STAT6: variants seen among roughly 807,000 people sequenced by gnomAD.
STAT6 encodes signal transducer and activator of transcription 6.
STAT6 carries 45 observed loss-of-function variants against 106.3 expected under a neutral mutation model. That is an observed-to-expected ratio of 0.42 (90% CI 0.33 to 0.54). The LOEUF (loss-of-function observed/expected upper bound fraction) is 0.54, where lower values mean the gene tolerates loss of function less well. Ranked by LOEUF, STAT6 falls within the 20% of genes least tolerant of loss-of-function variation. The pLI, the probability that STAT6 is intolerant of heterozygous loss-of-function variation, is 0.06. For synonymous variants in STAT6, 413 were observed against 413.6 expected (o/e 1.00, Z 0.02); for missense variants, 797 against 1,062.2 (o/e 0.75, Z 3.47).
At chr12:57,097,275 C>T in intron 19 of STAT6, 142 bp from the exon 20 acceptor site, 1 of 579,792 alleles carries the variant, frequency 1.7e-6, no homozygotes, top group Non-Finnish European at 2.8e-6. Flanking sequence ...TTTCTATGCT[C>T]TGAGCTCAGT....
chr12:57,110,933 G>T (rs76868937), intron 1 of STAT6, among the ~76,000 whole-genome samples, 196 bp downstream of exon 1: 3,158 of 152,078 alleles, frequency 0.021, 120 homozygotes, highest in African/African-American at 0.072. Context: ...GGGGAGTACT[G>T]AGGCCTGGAC....
chr12:57,099,367 G>A lies in STAT6; in HGVS notation c.1818C>T (p.Ile606=). ...GATTTTTGAGCTGAGCAAGATCCCG[G>A]ATTCGGTCCCCCAGTGAGCGAATGG... is the stretch of plus-strand genomic sequence containing the variant. The part of the protein sequence containing the change: ...DLSIRSLGDR[I]RDLAQLKNLY... The change falls in exon 16 of 22, where the codon ATC becomes ATT. Residue 606 remains isoleucine (I), a synonymous_variant. Coordinates refer to ENST00000300134, the MANE Select transcript of STAT6 (RefSeq NM_003153.5). This position sits in a 1 kb window ranked among gnomAD's most constrained non-coding sequence, Gnocchi z 4.7. 6.2e-7 allele frequency: 1 copy of A among 1,614,164 alleles called. No individual in the cohort carries two copies. The highest frequency in any genetic ancestry group is 8.5e-7 in the Non-Finnish European group (1 of 1,180,024).
intron 13 of STAT6, among the ~76,000 whole-genome samples, chr12:57,100,692 GAAAGAAAGAGAA>G (rs1446873956): frequency 0.02 from 1,015 of 49,606 alleles, 1 homozygote; most frequent in Middle Eastern, 0.047. Flanking sequence ...AAGAAAGAAA[GAAAGAAAGAGAA>G]AGAAAGAAAG....
intron 18 of STAT6, 58 bp downstream of exon 18, chr12:57,098,734 T>C (rs1372695994): frequency 5.7e-6 from 9 of 1,576,816 alleles, no homozygotes; most frequent in Non-Finnish European, 7.8e-6. Context: ...CAGCTGCCCA[T>C]GCTAAGATTA....
intron 6 of STAT6, 63 bp downstream of exon 6, chr12:57,106,465 T>C: frequency 6.2e-7 from 1 of 1,610,240 alleles, no homozygotes; most frequent in South Asian, 1.1e-5. Context: ...CTTTCTGAGG[T>C]CTAGCTTCCA....
In STAT6 at chr12:57,102,329, G is replaced by A; in HGVS notation, c.1473C>T (p.Ala491=). Residue 491 remains alanine, a synonymous_variant, in exon 13 of 22, where the codon GCC becomes GCT. Transcript: ENST00000300134. Reference sequence around the variant, plus strand: ...ACCAGGACACAGAACGGTGCTGGAAGGCCTCCATACTGAGGCTGTTGTCAT... The same window carrying A: ...ACCAGGACACAGAACGGTGCTGGAAAGCCTCCATACTGAGGCTGTTGTCAT... ...IFNDNSLSME[A]FQHRSVSWSQ... is the part of the protein sequence containing the mutation. 1 of 1,614,174 alleles carries A rather than the reference G, an allele frequency of 6.2e-7. No homozygotes were observed. The highest frequency in any genetic ancestry group is 8.5e-7 in the Non-Finnish European group (1 of 1,180,042).
intron 13 of STAT6, chr12:57,100,700 G>GAGAGAGAA (rs2033835522): frequency 1.1e-4 from 7 of 64,818 alleles, no homozygotes; most frequent in Non-Finnish European, 1.8e-4. Context: ...AAGAAAGAAA[G>GAGAGAGAA]AGAAAGAAAG....
At chr12:57,110,798 T>C (rs1565698504) in intron 1 of STAT6, among the ~76,000 whole-genome samples, 1 of 151,988 alleles carries the variant, frequency 6.6e-6, no homozygotes, top group Non-Finnish European at 1.5e-5. Context: ...GGCATCAACC[T>C]TCCAGGGAGG....
chr12:57,099,390 T>C lies in STAT6; in HGVS notation c.1795A>G (p.Ile599Val). 1 of 1,614,188 alleles carries C rather than the reference T, an allele frequency of 6.2e-7. No individual in the cohort carries two copies. The highest frequency in any genetic ancestry group is 8.5e-7 in the Non-Finnish European group (1 of 1,180,036). ...CGGATTCGGTCCCCCAGTGAGCGAA[T>C]GGACAGGTCTTTGGCAGAGAATGGC... Reference protein sequence around the residue: ...IQPFSAKDLSIRSLGDRIRDL... With the variant: ...IQPFSAKDLSVRSLGDRIRDL... The change falls in exon 16 of 22, where the codon ATT becomes GTT. Residue 599 changes from isoleucine to valine, a missense_variant. This residue lies in a region of STAT6 where 222 missense variants were observed against 354.6 expected (regional missense o/e 0.63). Coordinates refer to ENST00000300134, the MANE Select transcript of STAT6 (RefSeq NM_003153.5). The surrounding 1 kb of genome is among the most constrained non-coding windows in gnomAD (Gnocchi z 4.7).
chr12:57,102,776 C>T lies in STAT6; in HGVS notation c.1305+53G>A, dbSNP rs1314111631. 7 of 1,459,526 alleles carry T rather than the reference C, an allele frequency of 4.8e-6. 1 individual carries two copies. The highest frequency in any genetic ancestry group is 1.7e-4 in the Middle Eastern group (1 of 5,790). 90.4% of individuals were successfully genotyped at this position (1,459,526 alleles called of 1,614,324 possible). A position where few individuals can be genotyped will look rare whatever the true frequency, so the allele number is the denominator to read the frequency against. On this transcript the variant is annotated intron_variant, in intron 12 of 21. Coordinates refer to ENST00000300134, the MANE Select transcript of STAT6 (RefSeq NM_003153.5). ...CCATCAGCAGGCCTGCACCACTGCC[C>T]ATGTTAGAACCCACCCTGCCCCTGT...
At chr12:57,106,433 CTT>C in intron 6 of STAT6, 93 bp downstream of exon 6, 1 of 1,607,324 alleles carries the variant, frequency 6.2e-7, no homozygotes, top group Non-Finnish European at 8.5e-7. Flanking sequence ...CTGGCATTCC[CTT>C]GCCCTACTTC....
chr12:57,106,719 A>T lies in STAT6; in HGVS notation c.452T>A (p.Leu151Gln). 1.9e-6 allele frequency: 3 copies of T among 1,614,120 alleles called. No homozygotes were observed. The highest frequency in any genetic ancestry group is 2.5e-6 in the Non-Finnish European group (3 of 1,180,012). ...TTGGCCAGCCTCAGCCCCCTTCTGC[A>T]GGGCTTCTCGGAGAAGGTGGATCTC... Reference protein sequence around the residue: ...VGEIHLLREALQKGAEAGQVS... With the variant: ...VGEIHLLREAQQKGAEAGQVS... Residue 151 changes from leucine to glutamine, a missense_variant, in exon 5 of 22, where the codon CTG becomes CAG. Around this residue, in one of 4 missense-constraint regions of STAT6, gnomAD observed 336 missense variants for 429.8 expected, o/e 0.78. Coordinates refer to ENST00000300134, the MANE Select transcript of STAT6 (RefSeq NM_003153.5).
At position 57,099,616 on chromosome 12, in the gene STAT6, G is replaced by C; in HGVS notation, c.1744+151C>G. 1 of 1,391,496 alleles carries C rather than the reference G, an allele frequency of 7.2e-7. No homozygotes were observed. Among genetic ancestry groups the C allele is most frequent in the South Asian group, 1.4e-5 (1 of 73,088 alleles). The allele number at this position is 1,391,496 out of a possible 1,614,324, so 86.2% of individuals were successfully genotyped here. A position where few individuals can be genotyped will look rare whatever the true frequency, so the allele number is the denominator to read the frequency against. On this transcript the variant is annotated intron_variant, in intron 15 of 21. Coordinates refer to ENST00000300134, the MANE Select transcript of STAT6 (RefSeq NM_003153.5). This position sits in a 1 kb window ranked among gnomAD's most constrained non-coding sequence, Gnocchi z 4.7. ...TTCCCACAGAGCTCACAGTGAGAAGGTGAACATTTAGACCACAGAAGGAAG... is the reference window on the plus strand; with the variant it reads ...TTCCCACAGAGCTCACAGTGAGAAGCTGAACATTTAGACCACAGAAGGAAG...
chr12:57,102,952 C>G, intron 11 of STAT6, 31 bp from the exon 12 acceptor site: 1 of 423,134 alleles, frequency 2.4e-6, no homozygotes. Context: ...GGTTTCTTTT[C>G]TTTCTTTCTT....
chr12:57,101,386 CTTTT>C (rs60908631), intron 13 of STAT6, among the ~76,000 whole-genome samples: 7 of 120,790 alleles, frequency 5.8e-5, no homozygotes, highest in Non-Finnish European at 7.0e-5. Context: ...CACACCTAGC[CTTTT>C]TTTTTTTTTT....
In STAT6 at chr12:57,096,659, C is replaced by T. The variant is rs375611447; in HGVS notation, c.2457G>A (p.Gly819=). The stretch of plus-strand genomic sequence containing the variant: ...GGGAGGGCTGCAGGAGGGGCTGTGC[C>T]CCCAAGGACCCTCCCCCCGACTCCC... ...GQGESGGGSL[G]AQPLLQPSHY... The change falls in exon 22 of 22, where the codon GGG becomes GGA. Residue 819 remains glycine (G), a synonymous_variant. Coordinates refer to ENST00000300134, the MANE Select transcript of STAT6 (RefSeq NM_003153.5). 6.2e-7 allele frequency: 1 copy of T among 1,605,290 alleles called. No homozygotes were observed. Among genetic ancestry groups the T allele is most frequent in the African/African-American group, 1.3e-5 (1 of 74,266 alleles).
intron 9 of STAT6, 68 bp downstream of exon 9, chr12:57,105,083 C>T: frequency 6.5e-7 from 1 of 1,528,208 alleles, no homozygotes; most frequent in Non-Finnish European, 8.8e-7. Context: ...CTTTTCAGTG[C>T]CAGCCCTCCA....
At chr12:57,106,606 G>A (rs1408984275) in intron 5 of STAT6, 26 bp from the exon 6 acceptor site, 1 of 1,614,004 alleles carries the variant, frequency 6.2e-7, no homozygotes. Flanking sequence ...AGAAATCAAG[G>A]GTGCAGACAG....
intron 11 of STAT6, chr12:57,104,254 T>C: frequency 3.1e-6 from 2 of 638,114 alleles, no homozygotes; most frequent in Non-Finnish European, 5.3e-6. Flanking sequence ...AGGAAGTGCT[T>C]CCGAAGTGTT....
Sources: gnomAD v4.1 joint callset for allele counts (sites outside exome capture counted in the v4.1 genomes callset) on GRCh38, gnomAD v4.1.1 for gene constraint, gnomAD v4.1.1 regional missense constraint, Gnocchi (gnomAD v3.1) non-coding constraint, MANE v1.5 for transcripts, NCBI Gene and HGNC (gene_info 2026-07-23, HGNC 2026-07-21) for gene names.